NAV3: variants seen among roughly 807,000 people sequenced by gnomAD.
The protein encoded by NAV3 is neuron navigator 3.
In NAV3, 87 loss-of-function variants were observed where a neutral mutation model predicts 244.7. The observed-to-expected ratio is 0.36, with a 90% CI of 0.30 to 0.42. The LOEUF is 0.42. NAV3 is among the 20% of genes least tolerant of loss of function. The pLI is 1.00. For missense variants in NAV3, 2,663 were observed against 2,893.3 expected (o/e 0.92, Z 1.83); for synonymous variants, 1,126 against 1,042.2 (o/e 1.08, Z -1.55).
At chr12:77,905,301 C>A (rs1451178406) in intron 1 of NAV3, among the ~76,000 whole-genome samples, 1 of 151,974 alleles carries the variant, frequency 6.6e-6, no homozygotes, top group Non-Finnish European at 1.5e-5. Context: ...AATGCTTTTT[C>A]TTTCCTATGC....
intron 2 of NAV3, among the ~76,000 whole-genome samples, chr12:77,599,459 C>G (rs1202662000): frequency 1.3e-5 from 2 of 151,770 alleles, no homozygotes; most frequent in Non-Finnish European, 2.9e-5. Flanking sequence ...GACCTTTTAT[C>G]TGGTATACTT....
chr12:77,656,910 C>G (rs1456801675), intron 2 of NAV3, among the ~76,000 whole-genome samples: 4 of 151,946 alleles, frequency 2.6e-5, no homozygotes, highest in African/African-American at 9.7e-5. Flanking sequence ...TTGAAACCAA[C>G]AAGAACAAAG....
intron 12 of NAV3, among the ~76,000 whole-genome samples, chr12:78,116,317 A>G (rs143501911): frequency 1.3e-5 from 2 of 152,324 alleles, no homozygotes; most frequent in East Asian, 3.9e-4. Flanking sequence ...GAATGATTGA[A>G]TGTAGTTCCT....
rs1892426746 is a variant in NAV3, at chr12:77,965,445, C to A, written c.415-784C>A. Among the ~76,000 whole-genome samples, 4 of 152,234 alleles carry A rather than the reference C, an allele frequency of 2.6e-5. No homozygotes were observed. The South Asian group carries it at 8.3e-4, about 32-fold the overall frequency. ...GACCAGTCTGGCCAACATGGCAAAA[C>A]CCCTCTCTATAAAAATATAAAAAAT... On this transcript the variant is annotated intron_variant, in intron 3 of 39. Coordinates refer to ENST00000397909, the MANE Select transcript of NAV3 (RefSeq NM_001024383.2).
chr12:77,720,615 A>G (rs920228377), intron 2 of NAV3, among the ~76,000 whole-genome samples: 11 of 152,168 alleles, frequency 7.2e-5, no homozygotes, highest in African/African-American at 2.7e-4. Context: ...CAGCATCCTC[A>G]AAAACCAGAA....
intron 2 of NAV3, among the ~76,000 whole-genome samples, chr12:77,789,676 G>C (rs2370043): frequency 0.93 from 141,432 of 151,970 alleles, 66,629 homozygotes; most frequent in East Asian, 1. Context: ...CGGGTGTGGT[G>C]GTGGGTGCCT....
At chr12:77,644,540 T>C (rs886264013) in intron 2 of NAV3, among the ~76,000 whole-genome samples, 2 of 150,886 alleles carry the variant, frequency 1.3e-5, no homozygotes, top group Non-Finnish European at 3.0e-5. Flanking sequence ...TATATGTACA[T>C]ACACAGCCTA....
At position 78,006,786 on chromosome 12, in the gene NAV3, C is replaced by A. The variant is rs114303302; in HGVS notation, c.1248C>A (p.Ala416=). 8 of 1,614,168 alleles carry A rather than the reference C, an allele frequency of 5.0e-6. No homozygotes were observed. The highest frequency in any genetic ancestry group is 2.5e-6 in the Non-Finnish European group (3 of 1,180,030). Residue 416 remains alanine (A), a synonymous_variant, in exon 8 of 40, where the codon GCC becomes GCA. Coordinates refer to ENST00000397909, the MANE Select transcript of NAV3 (RefSeq NM_001024383.2). The part of the protein sequence containing the change: ...GPSDGGKDDD[A]FSESGEMEGF... The stretch of plus-strand genomic sequence containing the variant: ...GTGATGGTGGGAAGGATGATGATGC[C>A]TTTTCTGAATCTGGTGAAATGGAAG...
At chr12:77,752,754 A>G (rs1868925941) in intron 2 of NAV3, among the ~76,000 whole-genome samples, 1 of 152,138 alleles carries the variant, frequency 6.6e-6, no homozygotes, top group Admixed American at 6.6e-5. Context: ...AAGGCAAGCG[A>G]CTGAATACAG....
At chr12:78,125,235 G>A (rs1955854795) in intron 16 of NAV3, among the ~76,000 whole-genome samples, 1 of 152,110 alleles carries the variant, frequency 6.6e-6, no homozygotes, top group South Asian at 2.1e-4. Flanking sequence ...AAGTTAATTA[G>A]CGATATATAA....
At chr12:77,574,916 G>C (rs1479712728) in intron 2 of NAV3, among the ~76,000 whole-genome samples, 1 of 151,744 alleles carries the variant, frequency 6.6e-6, no homozygotes, top group Non-Finnish European at 1.5e-5. Context: ...CATATGTCAG[G>C]AACATGCATG....
At chr12:77,871,984 C>G (rs1881037631) in intron 1 of NAV3, among the ~76,000 whole-genome samples, 1 of 152,206 alleles carries the variant, frequency 6.6e-6, no homozygotes, top group Non-Finnish European at 1.5e-5. Flanking sequence ...GCCATTCTAA[C>G]TGGCATGAGA....
At chr12:77,857,726 T>TA (rs1217951822) in intron 1 of NAV3, among the ~76,000 whole-genome samples, 5 of 151,894 alleles carry the variant, frequency 3.3e-5, no homozygotes, top group South Asian at 4.1e-4. Flanking sequence ...AATATTCTTG[T>TA]AAAAAACTAA....
chr12:78,124,436 T>TTTATG (rs139689944), intron 16 of NAV3, among the ~76,000 whole-genome samples: 4 of 151,404 alleles, frequency 2.6e-5, no homozygotes, highest in East Asian at 1.9e-4. Flanking sequence ...GCCAATTTTA[T>TTTATG]TTATGTTATG....
At chr12:77,865,976 C>T (rs1320780842) in intron 1 of NAV3, among the ~76,000 whole-genome samples, 1 of 142,364 alleles carries the variant, frequency 7.0e-6, no homozygotes, top group African/African-American at 2.5e-5. Context: ...CCATTGACCT[C>T]ACATTATAAG....
chr12:77,616,341 G>C (rs556872991), intron 2 of NAV3, among the ~76,000 whole-genome samples: 74 of 151,010 alleles, frequency 4.9e-4, no homozygotes, highest in African/African-American at 1.8e-3. Context: ...GGGAGGCAGA[G>C]GTTGCAGTGA....
intron 28 of NAV3, among the ~76,000 whole-genome samples, chr12:78,178,619 T>C (rs1001679553): frequency 3.9e-5 from 6 of 152,118 alleles, no homozygotes; most frequent in African/African-American, 1.4e-4. Flanking sequence ...CTCTGTGTTA[T>C]TTACTATTTA....
At chr12:77,637,984 T>C (rs946034453) in intron 2 of NAV3, among the ~76,000 whole-genome samples, 7 of 152,228 alleles carry the variant, frequency 4.6e-5, no homozygotes, top group African/African-American at 9.6e-5. Flanking sequence ...CAGGCACTAT[T>C]TGATGCATCA....
At chr12:77,581,135 C>T (rs79831953) in intron 2 of NAV3, among the ~76,000 whole-genome samples, 3,011 of 152,230 alleles carry the variant, frequency 0.02, 53 homozygotes, top group Non-Finnish European at 0.031. Flanking sequence ...GAATGCTAAC[C>T]AGCATTTGTT....
Sources: allele counts gnomAD v4.1 joint callset (sites outside exome capture counted in the v4.1 genomes callset), GRCh38; gene constraint gnomAD v4.1.1; transcripts MANE v1.5; gene names NCBI Gene and HGNC (gene_info 2026-07-23, HGNC 2026-07-21).